ASPSCR1: variants seen among roughly 807,000 people sequenced by gnomAD.
ASPSCR1 encodes the protein ASPSCR1 tether for SLC2A4, UBX domain containing.
Under a neutral mutation model 68.9 loss-of-function variants are expected in ASPSCR1, and 55 were observed. The ratio of observed to expected loss-of-function variants is 0.80; its 90% confidence interval spans 0.64 to 1.00. The LOEUF is 1.00. Among genes scored for constraint, ASPSCR1 ranks in the 50% least tolerant of loss-of-function variants. The probability of loss-of-function intolerance (pLI) is 0.00; values close to 1 mark genes in which losing one functional copy is unlikely to be tolerated. For synonymous variants in ASPSCR1, 352 were observed against 332.6 expected (o/e 1.06, Z -0.63); for missense variants, 765 against 762.2 (o/e 1.00, Z -0.04).
chr17:82,015,206 T>G, intron 12 of ASPSCR1: 1 of 1,598,242 alleles, frequency 6.3e-7, no homozygotes, highest in African/African-American at 1.3e-5. Flanking sequence ...GGCTTCTTTT[T>G]TGGGGTCCAT....
intron 4 of ASPSCR1, 121 bp downstream of exon 4, chr17:81,985,728 C>A: frequency 2.1e-6 from 2 of 955,932 alleles, no homozygotes; most frequent in Non-Finnish European, 1.6e-6. Context: ...TGCCTCTTGG[C>A]ACTTTGCAGT....
intron 6 of ASPSCR1, 99 bp from the exon 7 acceptor site, chr17:81,996,321 G>A (rs2042336494): frequency 6.7e-7 from 1 of 1,491,998 alleles, no homozygotes. Context: ...GGGCGGGAGA[G>A]GGTGAGCCGG....
intron 2 of ASPSCR1, among the ~76,000 whole-genome samples, chr17:81,980,651 A>G (rs188516129): frequency 6.6e-6 from 1 of 152,376 alleles, no homozygotes; most frequent in East Asian, 1.9e-4. Flanking sequence ...TCCAGCCAGA[A>G]GCTGGAAACA....
chr17:82,010,163 C>T (rs1284504541), intron 9 of ASPSCR1: 1 of 249,972 alleles, frequency 4.0e-6, no homozygotes, highest in Non-Finnish European at 8.0e-6. Context: ...CTCAGGTGAT[C>T]TGCCCGCCTC....
intron 10 of ASPSCR1, among the ~76,000 whole-genome samples, 193 bp downstream of exon 10, chr17:82,011,061 G>A (rs984937285): frequency 1.3e-5 from 2 of 152,308 alleles, no homozygotes; most frequent in African/African-American, 2.4e-5. Flanking sequence ...CAGGCTGGGC[G>A]CTTGCTCCAG....
chr17:81,981,881 G>T (rs568977945), intron 2 of ASPSCR1, among the ~76,000 whole-genome samples: 2 of 152,028 alleles, frequency 1.3e-5, no homozygotes, highest in South Asian at 4.1e-4. Context: ...GACCAGGCTG[G>T]TCTCAAACTC....
At chr17:82,010,104 T>G in intron 9 of ASPSCR1, 1 of 295,498 alleles carries the variant, frequency 3.4e-6, no homozygotes. Flanking sequence ...TTTTTTTTAC[T>G]AGAGATGGAG....
intron 12 of ASPSCR1, among the ~76,000 whole-genome samples, chr17:82,012,526 C>T (rs536278952): frequency 1.5e-4 from 23 of 152,318 alleles, no homozygotes; most frequent in African/African-American, 5.5e-4. Context: ...GGCGGCCTGC[C>T]TGAACTGAGG....
chr17:82,012,074 G>A, intron 11 of ASPSCR1, 157 bp from the exon 12 acceptor site: 1 of 930,106 alleles, frequency 1.1e-6, no homozygotes, highest in East Asian at 2.6e-5. Flanking sequence ...CTCAGCTGGA[G>A]TTTCTGCAGC....
chr17:81,996,815 G>A lies in ASPSCR1; in HGVS notation c.902G>A (p.Arg301Gln), dbSNP rs371657939. Residue 301 changes from arginine (R) to glutamine (Q), a missense_variant, in exon 7 of 16, where the codon CGG becomes CAG. Coordinates refer to ENST00000306739, the MANE Select transcript of ASPSCR1 (RefSeq NM_024083.4). ...PQQEQEQERE[R>Q]DPQQEQERER... ...CAGGAGCAGGAGCAGGAGCGGGAGC[G>A]GGATCCCCAGCAGGAGCAGGAGCGG... 59 of 1,605,832 alleles carry A rather than the reference G, an allele frequency of 3.7e-5. 1 individual carries two copies. The South Asian group carries it at 4.5e-4, about 12-fold the overall frequency.
intron 10 of ASPSCR1, among the ~76,000 whole-genome samples, 191 bp from the exon 11 acceptor site, chr17:82,011,352 G>A (rs1005924724): frequency 5.3e-5 from 8 of 152,176 alleles, no homozygotes; most frequent in Admixed American, 2.0e-4. Flanking sequence ...CCAGCAGGGC[G>A]GGGGTCCCAA....
intron 7 of ASPSCR1, among the ~76,000 whole-genome samples, chr17:81,998,129 A>G (rs1037253832): frequency 1.3e-5 from 2 of 152,014 alleles, no homozygotes; most frequent in African/African-American, 4.8e-5. Flanking sequence ...GCCCAGCCTA[A>G]TTTATTTTTA....
chr17:82,014,949 G>A lies in ASPSCR1; in HGVS notation c.1354-1527G>A, dbSNP rs2043071601. 4 of 1,169,254 alleles carry A rather than the reference G, an allele frequency of 3.4e-6. No individual in the cohort carries two copies. In the South Asian group the frequency reaches 6.5e-5, roughly 19 times the overall value. 72.4% of individuals were successfully genotyped at this position (1,169,254 alleles called of 1,614,324 possible). ...CCTGTCAGCCGAGGGAGCCAGGCAG[G>A]GGCAGCCTGAGACATCCTGGGACAG... is the stretch of plus-strand genomic sequence containing the variant. On this transcript the variant is annotated intron_variant, in intron 12 of 15. Coordinates refer to ENST00000306739, the MANE Select transcript of ASPSCR1 (RefSeq NM_024083.4).
intron 7 of ASPSCR1, among the ~76,000 whole-genome samples, chr17:82,003,009 G>A (rs1231202234): frequency 6.6e-6 from 1 of 152,078 alleles, no homozygotes; most frequent in Non-Finnish European, 1.5e-5. Flanking sequence ...TGAATAGCTG[G>A]GATTACAGGT....
In ASPSCR1 at chr17:82,016,953, G is replaced by T; in HGVS notation, c.1488G>T (p.Arg496Ser). Residue 496 changes from arginine (R) to serine (S), a missense_variant, in exon 15 of 16, where the codon AGG becomes AGT. Arg to Ser is a moderately radical substitution (Grantham distance 110). Transcript: ENST00000306739. ...CGCCTCCCCACAGGTACATGTCCAG[G>T]GCCGCCGGGTCCCCTTCCCCATTGC... is the stretch of plus-strand genomic sequence containing the variant. Reference protein sequence around the residue: ...ADVLVARYMSRAAGSPSPLPA... With the variant: ...ADVLVARYMSSAAGSPSPLPA... The T allele has an allele frequency of 1.9e-6, 3 of 1,611,694 alleles. No individual in the cohort carries two copies. Among genetic ancestry groups the T allele is most frequent in the Non-Finnish European group, 2.5e-6 (3 of 1,179,222 alleles).
At position 81,987,302 on chromosome 17, in the gene ASPSCR1, C is replaced by G. The variant is rs1035193033; in HGVS notation, c.374+1695C>G. The stretch of plus-strand genomic sequence containing the variant: ...GGCAGCCCCAGGCGCTGTGTGGGCA[C>G]TGGGTGAGAAGCAGGGATCCCGGCG... On this transcript the variant is annotated intron_variant, in intron 4 of 15. Coordinates refer to ENST00000306739, the MANE Select transcript of ASPSCR1 (RefSeq NM_024083.4). The surrounding 1 kb of genome is among the most constrained non-coding windows in gnomAD (Gnocchi z 5.6). 3.9e-5 allele frequency among the ~76,000 whole-genome samples: 6 copies of G among 152,190 alleles called. No homozygotes were observed. The highest frequency in any genetic ancestry group is 1.3e-4 in the Admixed American group (2 of 15,278).
rs138718591 is a variant in ASPSCR1, at chr17:81,996,505, G to C, written c.592G>C (p.Ala198Pro). 1 of 1,612,222 alleles carries C rather than the reference G, an allele frequency of 6.2e-7. No homozygotes were observed. The highest frequency in any genetic ancestry group is 1.7e-5 in the Admixed American group (1 of 59,954). ...SASAGQAAAS[A>P]PLPLESGELS... ...GTCGGCTGGCCAGGCAGCCGCCAGCGCTCCACTTCCCTTGGAATCTGGGGA... is the reference window on the plus strand; with the variant it reads ...GTCGGCTGGCCAGGCAGCCGCCAGCCCTCCACTTCCCTTGGAATCTGGGGA... Residue 198 changes from alanine to proline, a missense_variant, in exon 7 of 16, where the codon GCT becomes CCT. Ala to Pro is a conservative substitution (Grantham distance 27). Coordinates refer to ENST00000306739, the MANE Select transcript of ASPSCR1 (RefSeq NM_024083.4).
At position 81,996,595 on chromosome 17, in the gene ASPSCR1, A is replaced by G. The variant is rs747342381; in HGVS notation, c.682A>G (p.Thr228Ala). 7 of 1,611,242 alleles carry G rather than the reference A, an allele frequency of 4.3e-6. No homozygotes were observed. The South Asian group carries it at 4.4e-5, about 10-fold the overall frequency. Reference protein sequence around the residue: ...ADTSGPCCEHTQEKQSTRAPA... With the variant: ...ADTSGPCCEHAQEKQSTRAPA... ...CACCTCAGGGCCCTGCTGCGAGCAC[A>G]CTCAGGAGAAGCAGAGCACAAGGGC... Residue 228 changes from threonine (T) to alanine (A), a missense_variant, in exon 7 of 16, where the codon ACT becomes GCT. Transcript: ENST00000306739.
chr17:82,015,367 T>A, intron 12 of ASPSCR1: 3 of 1,595,152 alleles, frequency 1.9e-6, no homozygotes, highest in Non-Finnish European at 2.5e-6. Flanking sequence ...GTAGGCTGCC[T>A]GGCTCAGTGC....
Sources: gnomAD v4.1 joint callset for allele counts (sites outside exome capture counted in the v4.1 genomes callset) on GRCh38, gnomAD v4.1.1 for gene constraint, Gnocchi (gnomAD v3.1) non-coding constraint, MANE v1.5 for transcripts, NCBI Gene and HGNC (gene_info 2026-07-23, HGNC 2026-07-21) for gene names.